PCDHGA5: variants seen among roughly 807,000 people sequenced by gnomAD.
The protein encoded by PCDHGA5 is protocadherin gamma-A5.
A neutral mutation model predicts 56.7 loss-of-function variants in PCDHGA5; 36 were observed. The ratio of observed to expected loss-of-function variants is 0.64; its 90% CI spans 0.49 to 0.84. PCDHGA5 has a LOEUF of 0.84. Among genes scored for constraint, PCDHGA5 ranks in the 40% least tolerant of loss-of-function variants. The probability of loss-of-function intolerance (pLI) is 0.00; values close to 1 mark genes in which losing one functional copy is unlikely to be tolerated. For missense variants in PCDHGA5, 1,305 were observed against 1,201.5 expected (o/e 1.09, Z -1.27); for synonymous variants, 563 against 520.2 (o/e 1.08, Z -1.12).
In PCDHGA5 at chr5:141,477,880, C is replaced by T. The variant is rs763789849; in HGVS notation, c.2422-16927C>T. 10 of 1,614,058 alleles carry T rather than the reference C, an allele frequency of 6.2e-6. No homozygotes were observed. The African/African-American group carries it at 1.2e-4, about 19-fold the overall frequency. ...TGCCTCGAGGTACCTCAGCTGGCCA[C>T]CTAGTGTCACGGGTGGTAGGCTGGG... is the stretch of plus-strand genomic sequence containing the variant. On this transcript the variant is annotated intron_variant, in intron 1 of 3. Transcript: ENST00000518069. The surrounding 1 kb of genome is among the most constrained non-coding windows in gnomAD (Gnocchi z 4.9).
intron 1 of PCDHGA5, chr5:141,413,021 C>A: frequency 2.8e-6 from 2 of 714,374 alleles, no homozygotes; most frequent in Non-Finnish European, 4.4e-6. Context: ...TACACAAGCC[C>A]CACAAACCGG....
rs567522277 is a variant in PCDHGA5, at chr5:141,485,131, A to G, written c.2422-9676A>G. 1.3e-6 allele frequency: 2 copies of G among 1,482,660 alleles called. No individual in the cohort carries two copies. The highest frequency in any genetic ancestry group is 1.2e-5 in the South Asian group (1 of 83,730). 91.8% of individuals were successfully genotyped at this position (1,482,660 alleles called of 1,614,324 possible). ...TGGCTGTTTGGGGCGGGTCGGCTTC[A>G]TCCGCGTCTCAGGAGCAAGTAGAGA... On this transcript the variant is annotated intron_variant, in intron 1 of 3. Transcript: ENST00000518069. The surrounding 1 kb of genome is among the most constrained non-coding windows in gnomAD (Gnocchi z 5.7).
In PCDHGA5 at chr5:141,413,207, C is replaced by G. The variant is rs563279284; in HGVS notation, c.2421+46456C>G. The G allele has an allele frequency of 2.1e-4, 334 of 1,612,874 alleles. 3 individuals carry two copies. In the South Asian group the frequency reaches 3.4e-3, roughly 17 times the overall value. On this transcript the variant is annotated intron_variant, in intron 1 of 3. Coordinates refer to ENST00000518069, the MANE Select transcript of PCDHGA5 (RefSeq NM_018918.3). ...GCTCAAAGGAATCGCTCAAAGGAAT[C>G]AAAGGATTGCAGCGGGCTGGTCCTG... is the stretch of plus-strand genomic sequence containing the variant.
intron 1 of PCDHGA5, chr5:141,410,094 C>A: frequency 6.2e-7 from 1 of 1,612,646 alleles, no homozygotes; most frequent in South Asian, 1.1e-5. Context: ...ACGGCTCGAG[C>A]CTTAGGCGAC....
intron 1 of PCDHGA5, chr5:141,393,668 T>C (rs1048580916): frequency 6.2e-7 from 1 of 1,613,872 alleles, no homozygotes. Context: ...GGAAAATTAA[T>C]GAAAAACAAA....
intron 1 of PCDHGA5, among the ~76,000 whole-genome samples, chr5:141,467,305 G>A (rs535466592): frequency 1.3e-5 from 2 of 152,078 alleles, no homozygotes; most frequent in African/African-American, 4.8e-5. Flanking sequence ...CACTCACCTC[G>A]GCCTCCCACA....
rs147522770 is a variant in PCDHGA5, at chr5:141,504,573, C to T, written c.2481-820C>T. On this transcript the variant is annotated intron_variant, in intron 2 of 3. Coordinates refer to ENST00000518069, the MANE Select transcript of PCDHGA5 (RefSeq NM_018918.3). ...TGGGGGACTGGCATTCTAGGGAACA[C>T]CATCTGCCCAGGATTCACAGCAAGA... Among the ~76,000 whole-genome samples the T allele has an allele frequency of 5.4e-5, 8 of 148,158 alleles. No individual in the cohort carries two copies. In the East Asian group the frequency reaches 1.6e-3, roughly 30 times the overall value.
At chr5:141,387,655 C>T (rs2091029456) in intron 1 of PCDHGA5, 1 of 644,664 alleles carries the variant, frequency 1.6e-6, no homozygotes, top group Admixed American at 3.3e-5. Context: ...AAGTGGAGAG[C>T]TTGGCGCTCC....
chr5:141,372,439 C>G, intron 1 of PCDHGA5: 2 of 1,614,068 alleles, frequency 1.2e-6, no homozygotes, highest in Non-Finnish European at 1.7e-6. Context: ...CCCACTCCCT[C>G]TGACCCTCAG....
chr5:141,399,459 C>T (rs897098728), intron 1 of PCDHGA5: 6 of 1,613,894 alleles, frequency 3.7e-6, no homozygotes, highest in Non-Finnish European at 5.1e-6. Context: ...TCAACGATAA[C>T]GCTCCGGTTT....
At position 141,384,585 on chromosome 5, in the gene PCDHGA5, C is replaced by T. The variant is rs545796754; in HGVS notation, c.2421+17834C>T. 4.3e-6 allele frequency: 7 copies of T among 1,614,246 alleles called. No individual in the cohort carries two copies. In the African/African-American group the frequency reaches 6.7e-5, roughly 15 times the overall value. ...ACCAGAATGACAACCCGCCCGAGAT[C>T]CTGTACCCGGCCCTCCCCACAGATG... On this transcript the variant is annotated intron_variant, in intron 1 of 3. Coordinates refer to ENST00000518069, the MANE Select transcript of PCDHGA5 (RefSeq NM_018918.3).
At chr5:141,399,289 T>C (rs755445485) in intron 1 of PCDHGA5, 1 of 1,613,918 alleles carries the variant, frequency 6.2e-7, no homozygotes, top group Admixed American at 1.7e-5. Context: ...CGAAGTCCCT[T>C]TTAAGATTAT....
At chr5:141,461,602 A>G (rs971808608) in intron 1 of PCDHGA5, among the ~76,000 whole-genome samples, 2 of 152,172 alleles carry the variant, frequency 1.3e-5, no homozygotes, top group African/African-American at 4.8e-5. Flanking sequence ...ATTATAATTT[A>G]GTTCAAAGTA....
chr5:141,364,229 C>T lies in PCDHGA5; in HGVS notation c.-102C>T. ...AAGCTCCTACGAAAAGCCAACGCTC[C>T]ACGCCCATTTTCGTCAGGGAATATG... On this transcript the variant is annotated 5_prime_UTR_variant, in exon 1 of 4. Coordinates refer to ENST00000518069, the MANE Select transcript of PCDHGA5 (RefSeq NM_018918.3). 1 of 1,388,080 alleles carries T rather than the reference C, an allele frequency of 7.2e-7. No individual in the cohort carries two copies. The highest frequency in any genetic ancestry group is 9.6e-7 in the Non-Finnish European group (1 of 1,041,110). The allele number at this position is 1,388,080 out of a possible 1,614,324, so 86.0% of individuals were successfully genotyped here. A position where few individuals can be genotyped will look rare whatever the true frequency, so the allele number is the denominator to read the frequency against.
rs1468210173 is a variant in PCDHGA5 at position 141,512,170 on chromosome 5, A to T, written c.*997A>T. 1 of 152,720 alleles carries T rather than the reference A, an allele frequency of 6.5e-6. No homozygotes were observed. The highest frequency in any genetic ancestry group is 1.5e-5 in the Non-Finnish European group (1 of 68,120). The allele number at this position is 152,720 out of a possible 1,614,324, so 9.5% of individuals were successfully genotyped here. On this transcript the variant is annotated 3_prime_UTR_variant, in exon 4 of 4. Coordinates refer to ENST00000518069, the MANE Select transcript of PCDHGA5 (RefSeq NM_018918.3). ...TGGGCTGAGCTAACAGGACCAATGG[A>T]TTAAACTGGCATTTCAGTCCAAGGA...
At chr5:141,385,263 T>C in intron 1 of PCDHGA5, 1 of 1,613,672 alleles carries the variant, frequency 6.2e-7, no homozygotes, top group Non-Finnish European at 8.5e-7. Flanking sequence ...GTGAGAAAAA[T>C]GATTCTTTGC....
chr5:141,500,173 T>G (rs1666567886), intron 2 of PCDHGA5, among the ~76,000 whole-genome samples: 1 of 149,340 alleles, frequency 6.7e-6, no homozygotes, highest in East Asian at 1.9e-4. Context: ...ATGCATGAGC[T>G]TCATTTTTAT....
intron 1 of PCDHGA5, among the ~76,000 whole-genome samples, chr5:141,459,546 C>T (rs575349914): frequency 9.9e-5 from 15 of 152,102 alleles, no homozygotes; most frequent in African/African-American, 3.6e-4. Flanking sequence ...TTTTTTATTT[C>T]TCTTGGATAA....
At chr5:141,403,226 C>A in intron 1 of PCDHGA5, 3 of 1,613,926 alleles carry the variant, frequency 1.9e-6, no homozygotes, top group South Asian at 1.1e-5. Context: ...TAGGATAGAC[C>A]GGGAGGAGCT....
Sources: allele counts gnomAD v4.1 joint callset (sites outside exome capture counted in the v4.1 genomes callset), GRCh38; gene constraint gnomAD v4.1.1; non-coding constraint Gnocchi (gnomAD v3.1); transcripts MANE v1.5; gene names NCBI Gene and HGNC (gene_info 2026-07-23, HGNC 2026-07-21).